The following PCNX1 variants were observed in gnomAD, a reference collection of about 807,000 sequenced individuals.
PCNX1 encodes pecanex 1.
Under a neutral mutation model 242.2 loss-of-function variants are expected in PCNX1, and 78 were observed. The ratio of observed to expected loss-of-function variants is 0.32; its 90% CI spans 0.27 to 0.39. PCNX1 has a LOEUF of 0.39. Among genes scored for constraint, PCNX1 ranks in the 10% least tolerant of loss-of-function variants. The probability of loss-of-function intolerance (pLI) is 1.00; values close to 1 mark genes in which losing one functional copy is unlikely to be tolerated. For missense variants in PCNX1, 2,581 were observed against 2,856.5 expected, an observed-to-expected ratio of 0.90 and a Z score of 2.20; for synonymous variants, 1,024 against 1,032.9, an observed-to-expected ratio of 0.99 and a Z score of 0.17.
At chr14:71,025,811 G>T (rs2060228152) in intron 13 of PCNX1, among the ~76,000 whole-genome samples, 1 of 137,850 alleles carries the variant, frequency 7.3e-6, no homozygotes, top group African/African-American at 2.7e-5. Flanking sequence ...TGAGGCTGCA[G>T]TGAGCTGTGA....
At chr14:71,005,889 A>G (rs912146783) in intron 8 of PCNX1, among the ~76,000 whole-genome samples, 13 of 152,132 alleles carry the variant, frequency 8.5e-5, no homozygotes, top group East Asian at 1.9e-4. Context: ...TGAGTATTCA[A>G]TAAGACTGCT....
intron 1 of PCNX1, among the ~76,000 whole-genome samples, chr14:70,921,728 C>T (rs931253181): frequency 6.6e-6 from 1 of 152,130 alleles, no homozygotes; most frequent in African/African-American, 2.4e-5. Context: ...AATGCTTCAT[C>T]TAGATTCCAC....
intron 7 of PCNX1, among the ~76,000 whole-genome samples, chr14:70,994,798 CAT>C (rs2059299575): frequency 6.6e-6 from 1 of 151,638 alleles, no homozygotes; most frequent in African/African-American, 2.4e-5. Context: ...TTCATAGTAT[CAT>C]AAAAATATGA....
At chr14:71,046,805 C>T (rs1179769582) in intron 20 of PCNX1, 159 bp from the exon 21 acceptor site, 1 of 171,440 alleles carries the variant, frequency 5.8e-6, no homozygotes, top group East Asian at 1.9e-4. Context: ...GTAAGTATCT[C>T]AGAGCTCATA....
At chr14:71,051,077 A>G (rs2061014643) in intron 23 of PCNX1, among the ~76,000 whole-genome samples, 1 of 145,366 alleles carries the variant, frequency 6.9e-6, no homozygotes. Flanking sequence ...CTGAGGCAGG[A>G]GAATCTCTTG....
At chr14:70,938,559 G>A (rs2057103607) in intron 1 of PCNX1, among the ~76,000 whole-genome samples, 1 of 152,282 alleles carries the variant, frequency 6.6e-6, no homozygotes, top group Admixed American at 6.5e-5. Flanking sequence ...TTTTGCATCA[G>A]TGTTCATCAA....
chr14:71,088,540 C>G, intron 29 of PCNX1, 110 bp downstream of exon 29: 3 of 597,660 alleles, frequency 5.0e-6, no homozygotes, highest in South Asian at 2.4e-5. Context: ...ATTGTAAAGT[C>G]TTTTTAGGTT....
intron 32 of PCNX1, among the ~76,000 whole-genome samples, chr14:71,104,444 C>CT (rs2062552906): frequency 6.6e-6 from 1 of 152,168 alleles, no homozygotes; most frequent in African/African-American, 2.4e-5. Context: ...TAAAGAGATT[C>CT]TTTCCCCCTA....
At chr14:70,993,769 G>A (rs183963658) in intron 7 of PCNX1, among the ~76,000 whole-genome samples, 2 of 152,146 alleles carry the variant, frequency 1.3e-5, no homozygotes, top group Admixed American at 6.5e-5. Flanking sequence ...ACACAGGGAC[G>A]TGGTACCTGA....
At chr14:71,012,811 T>C in intron 10 of PCNX1, 174 bp from the exon 11 acceptor site, 2 of 542,472 alleles carry the variant, frequency 3.7e-6, no homozygotes, top group Admixed American at 6.8e-5. Context: ...CAGACAAGAC[T>C]CTGTCTCAAA....
In PCNX1 at chr14:70,987,487, G is replaced by C. The variant is rs749277409; in HGVS notation, c.2312-1080G>C. 1.1e-3 allele frequency among the ~76,000 whole-genome samples: 174 copies of C among 152,100 alleles called. 4 individuals carry two copies. The highest frequency in any genetic ancestry group is 3.2e-4 in the Non-Finnish European group (22 of 68,008). ...CTGTCATAGGCCATATATAATTTTT[G>C]TATACATGGACTTTTACCCCACAAG... On this transcript the variant is annotated intron_variant, in intron 6 of 35. Coordinates refer to ENST00000304743, the MANE Select transcript of PCNX1 (RefSeq NM_014982.3).
intron 1 of PCNX1, among the ~76,000 whole-genome samples, chr14:70,941,102 A>T (rs567987679): frequency 5.9e-5 from 9 of 151,882 alleles, no homozygotes; most frequent in Non-Finnish European, 1.2e-4. Context: ...GTTTGTTATT[A>T]CTGATCTTTT....
At chr14:71,080,235 T>G (rs2061820007) in intron 28 of PCNX1, among the ~76,000 whole-genome samples, 1 of 152,200 alleles carries the variant, frequency 6.6e-6, no homozygotes, top group Admixed American at 6.5e-5. Flanking sequence ...GATCTATATA[T>G]CTGTTTTGGT....
intron 2 of PCNX1, among the ~76,000 whole-genome samples, chr14:70,950,522 A>G (rs1009990477): frequency 3.3e-5 from 5 of 152,272 alleles, no homozygotes; most frequent in Admixed American, 6.5e-5. Context: ...TAGAAATGCT[A>G]TGCACATTTA....
intron 16 of PCNX1, among the ~76,000 whole-genome samples, chr14:71,030,959 A>G (rs1326040297): frequency 6.6e-6 from 1 of 152,118 alleles, no homozygotes; most frequent in African/African-American, 2.4e-5. Flanking sequence ...CATTTGTGTT[A>G]TGTTTAACAA....
chr14:71,029,235 A>G (rs1464032930), intron 16 of PCNX1, among the ~76,000 whole-genome samples: 1 of 152,194 alleles, frequency 6.6e-6, no homozygotes, highest in Non-Finnish European at 1.5e-5. Flanking sequence ...TTATTGGGTT[A>G]GAAGATCTGG....
chr14:71,073,756 A>G lies in PCNX1; in HGVS notation c.5064A>G (p.Gln1688=). ...ATAACAGTGCTGCTTCTATGCTTCA[A>G]GTCTTTGATCTTCGGAAAGTACTCA... ...ITDNSAASML[Q]VFDLRKVLTT... The change falls in exon 27 of 36, where the codon CAA becomes CAG. Residue 1688 remains glutamine (Q), a synonymous_variant. Coordinates refer to ENST00000304743, the MANE Select transcript of PCNX1 (RefSeq NM_014982.3). 1.2e-6 allele frequency: 2 copies of G among 1,611,746 alleles called. No individual in the cohort carries two copies. Among genetic ancestry groups the G allele is most frequent in the Non-Finnish European group, 1.7e-6 (2 of 1,178,048 alleles).
chr14:70,985,375 C>G (rs1308324561), intron 6 of PCNX1, among the ~76,000 whole-genome samples: 4 of 151,900 alleles, frequency 2.6e-5, no homozygotes, highest in Admixed American at 1.3e-4. Flanking sequence ...CCACCACACC[C>G]GCTAATTTTT....
At chr14:70,941,831 C>T (rs2526864) in intron 1 of PCNX1, among the ~76,000 whole-genome samples, 67,637 of 152,032 alleles carry the variant, frequency 0.44, 16,484 homozygotes, top group Non-Finnish European at 0.56. Flanking sequence ...TCAGCAATGG[C>T]GGACGCCCCT....
Sources: gnomAD v4.1 joint callset for allele counts (sites outside exome capture counted in the v4.1 genomes callset) on GRCh38, gnomAD v4.1.1 for gene constraint, MANE v1.5 for transcripts, NCBI Gene and HGNC (gene_info 2026-07-23, HGNC 2026-07-21) for gene names.